Variants in DIP2A observed in about 807,000 individuals in gnomAD.
DIP2A encodes the protein DIP2 acetate--CoA ligase A, also known as disco-interacting protein 2 homolog A.
In DIP2A, 85 loss-of-function variants were observed where a neutral mutation model predicts 177.4. The ratio of observed to expected loss-of-function variants is 0.48; its 90% CI spans 0.40 to 0.57. DIP2A has a LOEUF of 0.57. DIP2A is among the 20% of genes least tolerant of loss of function. The pLI, the probability that DIP2A is intolerant of heterozygous loss-of-function variation, is 0.00. For missense variants in DIP2A, 1,791 were observed against 2,100.2 expected (o/e 0.85, Z 2.88); for synonymous variants, 886 against 881.8 (o/e 1.00, Z -0.08).
chr21:46,533,547 G>A lies in DIP2A; in HGVS notation c.1329G>A (p.Gly443=). Residue 443 remains glycine (G), a synonymous_variant, in exon 11 of 38, where the codon GGG becomes GGA. Transcript: ENST00000417564. ...TRKDAGSQQV[G]FLLGSCGVFL... The stretch of plus-strand genomic sequence containing the variant: ...AGGATGCAGGCAGCCAGCAGGTTGG[G>A]TTTCTGCTGGGCAGCTGTGGAGTCT... The A allele has an allele frequency of 6.2e-7, 1 of 1,613,920 alleles. No individual in the cohort carries two copies. The highest frequency in any genetic ancestry group is 2.2e-5 in the East Asian group (1 of 44,884).
At chr21:46,561,902 A>G in intron 34 of DIP2A, 97 bp downstream of exon 34, 1 of 1,539,480 alleles carries the variant, frequency 6.5e-7, no homozygotes, top group Non-Finnish European at 8.7e-7. Context: ...GGCTCTGATG[A>G]ACACAGGTCG....
rs778354774 is a variant in DIP2A at position 46,557,732 on chromosome 21, C to T, written c.3777C>T (p.Gly1259=). The T allele has an allele frequency of 1.2e-5, 19 of 1,611,386 alleles. No homozygotes were observed. The highest frequency in any genetic ancestry group is 2.7e-5 in the African/African-American group (2 of 74,860). ...SVMEMCTKGL[G]AQTGVLRMKG... ...TGGAGATGTGCACCAAGGGCCTAGG[C>T]GCACAGACGGGTGTCCTCAGGGTGA... Residue 1259 remains glycine (G), a synonymous_variant, in exon 31 of 38, where the codon GGC becomes GGT. Transcript: ENST00000417564. The surrounding 1 kb of genome is among the most constrained non-coding windows in gnomAD (Gnocchi z 6.0).
chr21:46,580,123 C>A, the DIP2A span, among the ~76,000 whole-genome samples: 1 of 152,154 alleles, frequency 6.6e-6, no homozygotes, highest in Non-Finnish European at 1.5e-5. Context: ...TTTTATAAAT[C>A]TGGGTGCTCC....
At chr21:46,495,239 CTTCT>C (rs2057270134) in intron 3 of DIP2A, among the ~76,000 whole-genome samples, 1 of 46,344 alleles carries the variant, frequency 2.2e-5, no homozygotes, top group Non-Finnish European at 3.8e-5. Flanking sequence ...CTTCTCTTCT[CTTCT>C]TTCTCTCTCT....
chr21:46,563,604 C>G lies in DIP2A; in HGVS notation c.4090-254C>G. Reference sequence around the variant, plus strand: ...TGATTGTCTTTGTAGGCTTAGTGACCCTCTGCCCCTCCTGACACCCAGAGA... The same window carrying G: ...TGATTGTCTTTGTAGGCTTAGTGACGCTCTGCCCCTCCTGACACCCAGAGA... On this transcript the variant is annotated intron_variant, in intron 34 of 37. Coordinates refer to ENST00000417564, the MANE Select transcript of DIP2A (RefSeq NM_015151.4). The surrounding 1 kb of genome is among the most constrained non-coding windows in gnomAD (Gnocchi z 4.3). 2.0e-6 allele frequency: 1 copy of G among 506,586 alleles called. No homozygotes were observed. The highest frequency in any genetic ancestry group is 2.3e-5 in the South Asian group (1 of 43,274). 31.4% of individuals were successfully genotyped at this position (506,586 alleles called of 1,614,324 possible). A position where few individuals can be genotyped will look rare whatever the true frequency, so the allele number is the denominator to read the frequency against.
intron 1 of DIP2A, among the ~76,000 whole-genome samples, chr21:46,483,340 A>T (rs1165560418): frequency 2.6e-5 from 2 of 77,520 alleles, no homozygotes; most frequent in Non-Finnish European, 5.1e-5. Flanking sequence ...CACTAAATGC[A>T]AAAAAAAAAA....
chr21:46,520,578 A>G (rs1398896436), intron 8 of DIP2A, among the ~76,000 whole-genome samples: 3 of 152,230 alleles, frequency 2.0e-5, no homozygotes, highest in Admixed American at 1.3e-4. Flanking sequence ...TTGATTATAA[A>G]ACCACCTTCT....
intron 20 of DIP2A, 90 bp downstream of exon 20, chr21:46,546,051 T>TGG (rs1200181453): frequency 1.3e-6 from 2 of 1,593,352 alleles, no homozygotes; most frequent in African/African-American, 2.7e-5. Flanking sequence ...ACCCTTGTCC[T>TGG]GGCCGTTCCT....
chr21:46,504,282 C>A, intron 5 of DIP2A, 79 bp from the exon 6 acceptor site: 1 of 1,559,946 alleles, frequency 6.4e-7, no homozygotes, highest in Non-Finnish European at 8.7e-7. Context: ...GAGCTTTAGA[C>A]TAACGGGGTT....
At chr21:46,481,081 C>A (rs9984082) in intron 1 of DIP2A, among the ~76,000 whole-genome samples, 24,259 of 152,126 alleles carry the variant, frequency 0.16, 2,190 homozygotes, top group African/African-American at 0.21. Context: ...AAAGACCAAA[C>A]AAGAAAAAGA....
At chr21:46,572,877 T>C (rs2060977550), downstream of DIP2A, among the ~76,000 whole-genome samples, 1 of 152,216 alleles carries the variant, frequency 6.6e-6, no homozygotes, top group East Asian at 1.9e-4. Flanking sequence ...TGTTTAGATA[T>C]ACAAATACCA....
intron 8 of DIP2A, among the ~76,000 whole-genome samples, chr21:46,523,804 G>A (rs2058940700): frequency 6.6e-6 from 1 of 152,168 alleles, no homozygotes. Flanking sequence ...GAAACCAAGA[G>A]AAAGTACCTC....
intron 1 of DIP2A, among the ~76,000 whole-genome samples, chr21:46,463,552 G>A (rs1024974750): frequency 2.0e-5 from 3 of 152,154 alleles, no homozygotes; most frequent in African/African-American, 7.2e-5. Context: ...TTCTAACAAT[G>A]CAGGACTTCT....
intron 3 of DIP2A, among the ~76,000 whole-genome samples, chr21:46,491,746 G>A (rs2057028121): frequency 1.3e-5 from 2 of 152,146 alleles, no homozygotes; most frequent in Admixed American, 6.6e-5. Context: ...CCTCCTTTCT[G>A]CCGCTCCTTA....
chr21:46,517,916 T>C lies in DIP2A; in HGVS notation c.1102+6302T>C, dbSNP rs568048823. Among the ~76,000 whole-genome samples, 4 of 152,330 alleles carry C rather than the reference T, an allele frequency of 2.6e-5. No individual in the cohort carries two copies. The East Asian group carries it at 7.7e-4, about 29-fold the overall frequency. On this transcript the variant is annotated intron_variant, in intron 8 of 37. Coordinates refer to ENST00000417564, the MANE Select transcript of DIP2A (RefSeq NM_015151.4). The stretch of plus-strand genomic sequence containing the variant: ...TTTCCCTCTCTGGAATCTTAACTCC[T>C]CTAGTTGTCTTTGCTGAGCAGCAAC...
intron 6 of DIP2A, among the ~76,000 whole-genome samples, chr21:46,504,778 G>A (rs1458722130): frequency 6.6e-6 from 1 of 152,218 alleles, no homozygotes; most frequent in Non-Finnish European, 1.5e-5. Context: ...CTGCAATATA[G>A]TAGGGAAATG....
At chr21:46,554,426 C>A in intron 26 of DIP2A, 134 bp downstream of exon 26, 1 of 1,542,750 alleles carries the variant, frequency 6.5e-7, no homozygotes, top group Non-Finnish European at 8.8e-7. Flanking sequence ...ATGTGTCTGC[C>A]TCCTCAGCTC....
At chr21:46,580,112 G>C in the DIP2A span, among the ~76,000 whole-genome samples, 1 of 152,098 alleles carries the variant, frequency 6.6e-6, no homozygotes, top group African/African-American at 2.4e-5. Flanking sequence ...CTAAAAACTT[G>C]TTTTATAAAT....
At chr21:46,564,029 C>T (rs1601863556) in intron 35 of DIP2A, 97 bp downstream of exon 35, 2 of 1,374,052 alleles carry the variant, frequency 1.5e-6, no homozygotes, top group Non-Finnish European at 2.0e-6. Context: ...CTAAACTTGC[C>T]TTTGGGAATC....
Sources: gnomAD v4.1 joint callset for allele counts (sites outside exome capture counted in the v4.1 genomes callset) on GRCh38, gnomAD v4.1.1 for gene constraint, Gnocchi (gnomAD v3.1) non-coding constraint, MANE v1.5 for transcripts, NCBI Gene and HGNC (gene_info 2026-07-23, HGNC 2026-07-21) for gene names.